The following NPAS3 variants were observed in gnomAD, a reference collection of about 807,000 sequenced individuals.
NPAS3 encodes neuronal PAS domain-containing protein 3.
A neutral mutation model predicts 73.1 loss-of-function variants in NPAS3; 14 were observed. The observed-to-expected ratio is 0.19, with a 90% CI of 0.13 to 0.30. The LOEUF (loss-of-function observed/expected upper bound fraction) is 0.30, where lower values mean the gene tolerates loss of function less well. Among genes scored for constraint, NPAS3 ranks in the 10% least tolerant of loss-of-function variants. The pLI is 1.00. For synonymous variants in NPAS3, 620 were observed against 541.5 expected (o/e 1.14, Z -2.01); for missense variants, 1,096 against 1,250.0 (o/e 0.88, Z 1.86).
rs75383629 is a variant in NPAS3 at position 33,082,267 on chromosome 14, G to T, written c.140+26273G>T. ...CCATAGAAACACATAAGGCCTAGTT[G>T]TAAGAAAGGGAGACCTAGCAGCCGC... On this transcript the variant is annotated intron_variant, in intron 2 of 11. Coordinates refer to ENST00000356141, the Ensembl canonical transcript of NPAS3. Among the ~76,000 whole-genome samples the T allele has an allele frequency of 6.0e-4, 92 of 152,254 alleles. No homozygotes were observed. The East Asian group carries it at 0.016, about 27-fold the overall frequency.
chr14:33,441,551 C>A (rs1484709289), intron 4 of NPAS3, among the ~76,000 whole-genome samples: 1 of 152,154 alleles, frequency 6.6e-6, no homozygotes. Flanking sequence ...GAAGGCAGCC[C>A]ATCCTATTAT....
chr14:33,069,998 A>G (rs1225446331), intron 2 of NPAS3, among the ~76,000 whole-genome samples: 2 of 152,364 alleles, frequency 1.3e-5, no homozygotes, highest in African/African-American at 4.8e-5. Context: ...TTCTGGGCAC[A>G]TTTTGATTGA....
chr14:33,143,779 A>T (rs1046505100), intron 2 of NPAS3, among the ~76,000 whole-genome samples: 15 of 152,012 alleles, frequency 9.9e-5, no homozygotes, highest in African/African-American at 3.6e-4. Flanking sequence ...CTGTGGATTT[A>T]CCTATTCTGG....
intron 2 of NPAS3, among the ~76,000 whole-genome samples, chr14:33,162,486 T>G (rs1485996291): frequency 6.6e-6 from 1 of 152,178 alleles, no homozygotes; most frequent in Non-Finnish European, 1.5e-5. Context: ...TTTTAAAAAT[T>G]TAATAAAGCT....
intron 2 of NPAS3, among the ~76,000 whole-genome samples, chr14:33,176,438 G>A (rs2139411130): frequency 6.6e-6 from 1 of 152,172 alleles, no homozygotes; most frequent in East Asian, 1.9e-4. Flanking sequence ...GAATGTGCCT[G>A]TTCTAGTTAT....
chr14:33,217,572 AC>A (rs2047270785), intron 3 of NPAS3, among the ~76,000 whole-genome samples: 1 of 152,176 alleles, frequency 6.6e-6, no homozygotes, highest in South Asian at 2.1e-4. Flanking sequence ...TATTTATTTA[AC>A]ATAACTCAGA....
chr14:33,209,284 T>A, intron 2 of NPAS3, among the ~76,000 whole-genome samples: 1 of 151,954 alleles, frequency 6.6e-6, no homozygotes, highest in East Asian at 1.9e-4. Flanking sequence ...CAAAAAAAAA[T>A]ACTCTTGGAA....
At chr14:32,948,049 A>G (rs562314321) in intron 1 of NPAS3, among the ~76,000 whole-genome samples, 2 of 152,138 alleles carry the variant, frequency 1.3e-5, no homozygotes, top group Non-Finnish European at 2.9e-5. Context: ...GGATTCCTCT[A>G]CTGATTAAAG....
At chr14:32,997,200 T>G (rs192462376) in intron 1 of NPAS3, among the ~76,000 whole-genome samples, 260 of 152,348 alleles carry the variant, frequency 1.7e-3, no homozygotes, top group African/African-American at 6.0e-3. Flanking sequence ...GGAATAGCTG[T>G]ATTTACCTAG....
intron 7 of NPAS3, among the ~76,000 whole-genome samples, chr14:33,773,381 C>G (rs117382226): frequency 0.012 from 1,825 of 152,258 alleles, 6 homozygotes; most frequent in Middle Eastern, 0.024. Context: ...GTCGTGGGAA[C>G]ACAGCTAGAG....
At chr14:33,532,959 A>G (rs774226077) in intron 4 of NPAS3, among the ~76,000 whole-genome samples, 21 of 152,094 alleles carry the variant, frequency 1.4e-4, no homozygotes, top group South Asian at 4.1e-4. Context: ...AGATTGCACA[A>G]AGGGAGAGTT....
chr14:33,252,472 T>C (rs2048622562), intron 3 of NPAS3, among the ~76,000 whole-genome samples: 1 of 152,050 alleles, frequency 6.6e-6, no homozygotes, highest in Non-Finnish European at 1.5e-5. Flanking sequence ...TATTCTTATA[T>C]ATGTTATCTT....
intron 6 of NPAS3, among the ~76,000 whole-genome samples, chr14:33,678,969 A>G (rs1305556683): frequency 2.0e-5 from 3 of 152,192 alleles, no homozygotes; most frequent in African/African-American, 7.2e-5. Context: ...AGGAGAATAT[A>G]TATCTCCTTC....
At chr14:33,500,986 A>T (rs893580006) in intron 4 of NPAS3, among the ~76,000 whole-genome samples, 1 of 152,016 alleles carries the variant, frequency 6.6e-6, no homozygotes, top group Non-Finnish European at 1.5e-5. Flanking sequence ...AAAACCTTAG[A>T]AAATGTTTAT....
chr14:33,080,806 C>T (rs1395977502), intron 2 of NPAS3, among the ~76,000 whole-genome samples: 1 of 152,144 alleles, frequency 6.6e-6, no homozygotes, highest in Non-Finnish European at 1.5e-5. Context: ...AAGTAGGGAG[C>T]CCATCTAGAG....
At chr14:32,978,318 C>G (rs1876363441) in intron 1 of NPAS3, among the ~76,000 whole-genome samples, 1 of 152,126 alleles carries the variant, frequency 6.6e-6, no homozygotes, top group South Asian at 2.1e-4. Flanking sequence ...ACAAACACAG[C>G]CTACCCTACC....
At chr14:32,969,022 G>A (rs2037310714) in intron 1 of NPAS3, among the ~76,000 whole-genome samples, 1 of 152,122 alleles carries the variant, frequency 6.6e-6, no homozygotes, top group Admixed American at 6.6e-5. Context: ...GTGAGAACAT[G>A]CAGTGTTTGT....
At chr14:33,748,317 C>G (rs2061864191) in intron 7 of NPAS3, among the ~76,000 whole-genome samples, 2 of 152,200 alleles carry the variant, frequency 1.3e-5, no homozygotes, top group South Asian at 4.1e-4. Context: ...TATAACTTTT[C>G]TTTTTAAAAA....
intron 3 of NPAS3, among the ~76,000 whole-genome samples, chr14:33,292,242 T>C (rs2042128281): frequency 6.6e-6 from 1 of 152,126 alleles, no homozygotes; most frequent in Admixed American, 6.5e-5. Context: ...CAATAAAACA[T>C]GGCTCCCTCT....
Sources: allele counts gnomAD v4.1 joint callset (sites outside exome capture counted in the v4.1 genomes callset), GRCh38; gene constraint gnomAD v4.1.1; transcripts MANE v1.5; gene names NCBI Gene and HGNC (gene_info 2026-07-23, HGNC 2026-07-21).